CYP7B1: variants seen among roughly 807,000 people sequenced by gnomAD.
CYP7B1 encodes cytochrome P450 family 7 subfamily B member 1.
A neutral mutation model predicts 42.7 loss-of-function variants in CYP7B1; 29 were observed. The ratio of observed to expected loss-of-function variants is 0.68; its 90% CI spans 0.51 to 0.93. The LOEUF (loss-of-function observed/expected upper bound fraction) is 0.93, where lower values mean the gene tolerates loss of function less well. CYP7B1 is among the 40% of genes least tolerant of loss of function. CYP7B1 has a pLI of 0.00. For synonymous variants in CYP7B1, 235 were observed against 218.2 expected, an observed-to-expected ratio of 1.08 and a Z score of -0.68; for missense variants, 655 against 600.5, an observed-to-expected ratio of 1.09 and a Z score of -0.95.
At chr8:64,770,945 ACATG>A (rs1804212268) in intron 1 of CYP7B1, among the ~76,000 whole-genome samples, 1 of 149,314 alleles carries the variant, frequency 6.7e-6, no homozygotes, top group East Asian at 2.1e-4. Context: ...AACTTAGTTG[ACATG>A]GTTTAGAGCT....
intron 1 of CYP7B1, among the ~76,000 whole-genome samples, chr8:64,628,276 A>C (rs1805638054): frequency 6.6e-6 from 1 of 152,230 alleles, no homozygotes; most frequent in Non-Finnish European, 1.5e-5. Flanking sequence ...ATCAGTGCTT[A>C]CAGTTTCTTT....
intron 5 of CYP7B1, among the ~76,000 whole-genome samples, chr8:64,598,865 A>G (rs909780565): frequency 2.6e-5 from 4 of 152,340 alleles, no homozygotes; most frequent in African/African-American, 9.6e-5. Flanking sequence ...CTAAAATGGA[A>G]ATGGCCACTG....
At chr8:64,665,412 A>G (rs1012328141) in intron 1 of CYP7B1, among the ~76,000 whole-genome samples, 10 of 152,106 alleles carry the variant, frequency 6.6e-5, no homozygotes, top group Admixed American at 2.6e-4. Flanking sequence ...AAAGGCAGAA[A>G]TGCTGGAGGA....
At chr8:64,794,749 T>C (rs1804678836) in intron 1 of CYP7B1, among the ~76,000 whole-genome samples, 1 of 152,164 alleles carries the variant, frequency 6.6e-6, no homozygotes, top group Admixed American at 6.5e-5. Context: ...AACCATAGCA[T>C]CACCAAAGAA....
At chr8:64,715,006 C>G (rs1807134394) in intron 1 of CYP7B1, among the ~76,000 whole-genome samples, 1 of 152,154 alleles carries the variant, frequency 6.6e-6, no homozygotes. Context: ...CAGGGCACTT[C>G]TGTAAATGGC....
At position 64,798,592 on chromosome 8, in the gene CYP7B1, C is replaced by A; in HGVS notation, c.-5G>T. 5 of 1,461,942 alleles carry A rather than the reference C, an allele frequency of 3.4e-6. No homozygotes were observed. Among genetic ancestry groups the A allele is most frequent in the Non-Finnish European group, 4.5e-6 (5 of 1,116,518 alleles). The allele number at this position is 1,461,942 out of a possible 1,614,324, so 90.6% of individuals were successfully genotyped here. On this transcript the variant is annotated 5_prime_UTR_variant, in exon 1 of 6. Transcript: ENST00000310193. ...CGCGGACACTTCTCCTGCCATCCGG[C>A]GCGCGCTAGGCCGCGGTGGGCAGCC...
At chr8:64,794,891 GA>G (rs990558745) in intron 1 of CYP7B1, among the ~76,000 whole-genome samples, 3 of 151,600 alleles carry the variant, frequency 2.0e-5, no homozygotes, top group African/African-American at 7.3e-5. Flanking sequence ...CACTTCATAG[GA>G]AAAAAACAAA....
intron 1 of CYP7B1, among the ~76,000 whole-genome samples, chr8:64,692,190 T>C (rs1443017494): frequency 6.6e-6 from 1 of 152,190 alleles, no homozygotes; most frequent in African/African-American, 2.4e-5. Context: ...CAACGTAACA[T>C]CAATGTTACC....
intron 1 of CYP7B1, among the ~76,000 whole-genome samples, chr8:64,786,889 G>A (rs897287435): frequency 4.6e-5 from 7 of 152,212 alleles, no homozygotes; most frequent in African/African-American, 1.4e-4. Flanking sequence ...CTCAATTCTT[G>A]ACTTCTGTGC....
intron 1 of CYP7B1, among the ~76,000 whole-genome samples, chr8:64,748,360 A>C (rs1038283057): frequency 3.9e-5 from 6 of 151,994 alleles, no homozygotes; most frequent in African/African-American, 1.2e-4. Context: ...CCTCCCCTAC[A>C]ATCCCTCCCT....
intron 1 of CYP7B1, among the ~76,000 whole-genome samples, chr8:64,660,605 A>G (rs1806186871): frequency 6.6e-6 from 1 of 152,212 alleles, no homozygotes. Context: ...GAGTGATCCT[A>G]CAGAGCAAGA....
intron 1 of CYP7B1, among the ~76,000 whole-genome samples, chr8:64,785,404 CAT>C (rs768516622): frequency 6.6e-6 from 1 of 152,198 alleles, no homozygotes; most frequent in African/African-American, 2.4e-5. Flanking sequence ...ACATCCTGCA[CAT>C]AAATATTTTT....
At chr8:64,725,600 T>C (rs950822341) in intron 1 of CYP7B1, among the ~76,000 whole-genome samples, 1 of 152,142 alleles carries the variant, frequency 6.6e-6, no homozygotes, top group African/African-American at 2.4e-5. Context: ...AAGTAGCTAC[T>C]AAAAGGCTCT....
At position 64,753,107 on chromosome 8, in the gene CYP7B1, T is replaced by G. The variant is rs75428175; in HGVS notation, c.122+45359A>C. 9.7e-3 allele frequency among the ~76,000 whole-genome samples: 1,474 copies of G among 152,362 alleles called. 41 individuals carry two copies. The highest frequency in any genetic ancestry group is 0.077 in the East Asian group (400 of 5,192). On this transcript the variant is annotated intron_variant, in intron 1 of 5. Transcript: ENST00000310193. The stretch of plus-strand genomic sequence containing the variant: ...TCCACTGAAGATTTAAAGAGAAGAC[T>G]TTTATTTATAAAGTACAAGAATACA...
At chr8:64,764,948 G>C (rs753842439) in intron 1 of CYP7B1, among the ~76,000 whole-genome samples, 1 of 150,104 alleles carries the variant, frequency 6.7e-6, no homozygotes, top group Non-Finnish European at 1.5e-5. Flanking sequence ...TAGACAGGAC[G>C]ATAGATGGTT....
intron 1 of CYP7B1, among the ~76,000 whole-genome samples, chr8:64,750,471 T>A (rs773932496): frequency 3.3e-5 from 5 of 152,186 alleles, no homozygotes; most frequent in Non-Finnish European, 4.4e-5. Context: ...TAGGGAAAAA[T>A]TAAGTTGCAA....
chr8:64,711,331 A>C (rs1038461930), intron 1 of CYP7B1, among the ~76,000 whole-genome samples: 6 of 152,184 alleles, frequency 3.9e-5, no homozygotes, highest in African/African-American at 1.4e-4. Context: ...TCACAGCTGC[A>C]TGGTAAACCT....
At position 64,611,688 on chromosome 8, in the gene CYP7B1, T is replaced by C. The variant is rs552772024; in HGVS notation, c.1057+3338A>G. ...ACTTTAACATCCCTCACCTGGACCA[T>C]GTTTGCAACTTTTCTCAATTTGAGG... On this transcript the variant is annotated intron_variant, in intron 4 of 5. Coordinates refer to ENST00000310193, the MANE Select transcript of CYP7B1 (RefSeq NM_004820.5). Among the ~76,000 whole-genome samples, 7 of 152,278 alleles carry C rather than the reference T, an allele frequency of 4.6e-5. No individual in the cohort carries two copies. In the South Asian group the frequency reaches 1.2e-3, roughly 27 times the overall value.
chr8:64,659,163 G>T (rs1415742287), intron 1 of CYP7B1, among the ~76,000 whole-genome samples: 1 of 152,044 alleles, frequency 6.6e-6, no homozygotes, highest in Non-Finnish European at 1.5e-5. Flanking sequence ...GTGTTTTTGG[G>T]GAACTGGTAT....
Sources: gnomAD v4.1 joint callset for allele counts (sites outside exome capture counted in the v4.1 genomes callset) on GRCh38, gnomAD v4.1.1 for gene constraint, MANE v1.5 for transcripts, NCBI Gene and HGNC (gene_info 2026-07-23, HGNC 2026-07-21) for gene names.